Variants in XKR9 observed in about 807,000 individuals in gnomAD.
The protein encoded by XKR9 is XK related 9, also known as XK-related protein 9.
A neutral mutation model predicts 32.0 loss-of-function variants in XKR9; 32 were observed. That is an observed-to-expected ratio of 1.00 (90% CI 0.76 to 1.34). XKR9 has a LOEUF of 1.34. Ranked by LOEUF, XKR9 falls within the 40% of genes most tolerant of loss-of-function variation. The pLI is 0.00. For synonymous variants in XKR9, 168 were observed against 143.4 expected, an observed-to-expected ratio of 1.17 and a Z score of -1.22; for missense variants, 546 against 429.7, an observed-to-expected ratio of 1.27 and a Z score of -2.39.
chr8:70,776,704 C>T (rs1807525099), intron 2 of XKR9, among the ~76,000 whole-genome samples: 1 of 151,938 alleles, frequency 6.6e-6, no homozygotes, highest in African/African-American at 2.4e-5. Context: ...CACCTGTTCT[C>T]TCTCTTCATG....
At chr8:70,856,358 C>T in the XKR9 span, among the ~76,000 whole-genome samples, 9 of 152,052 alleles carry the variant, frequency 5.9e-5, no homozygotes, top group South Asian at 2.1e-4. Context: ...TTTAAACCAA[C>T]GAAGATCAAA....
the XKR9 span, among the ~76,000 whole-genome samples, chr8:70,939,601 T>C: frequency 9.2e-5 from 14 of 152,086 alleles, no homozygotes; most frequent in Non-Finnish European, 2.1e-4. Flanking sequence ...ACAATCTCTA[T>C]TTTATAGTTG....
At chr8:70,931,579 A>C in the XKR9 span, among the ~76,000 whole-genome samples, 3 of 152,194 alleles carry the variant, frequency 2.0e-5, no homozygotes. Context: ...CACTATAAAG[A>C]AATACTTGAG....
At chr8:70,721,243 A>G (rs1050027780) in intron 4 of XKR9, among the ~76,000 whole-genome samples, 2 of 152,086 alleles carry the variant, frequency 1.3e-5, no homozygotes, top group Non-Finnish European at 2.9e-5. Flanking sequence ...AATCTTTTCA[A>G]AAAACCACCT....
the XKR9 span, among the ~76,000 whole-genome samples, chr8:70,989,719 G>A: frequency 6.6e-6 from 1 of 152,130 alleles, no homozygotes; most frequent in African/African-American, 2.4e-5. Flanking sequence ...CTGTTTTTAA[G>A]TTGACAATTA....
chr8:70,888,570 A>AT, the XKR9 span, among the ~76,000 whole-genome samples: 1 of 151,868 alleles, frequency 6.6e-6, no homozygotes, highest in African/African-American at 2.4e-5. Context: ...TTCTTCTACT[A>AT]TTTTTATAGT....
chr8:70,924,523 GACTT>G, the XKR9 span, among the ~76,000 whole-genome samples: 2 of 152,082 alleles, frequency 1.3e-5, no homozygotes, highest in African/African-American at 4.8e-5. Context: ...ATACTACTGA[GACTT>G]ACTGAGTGAA....
Position 70,707,163 on chromosome 8 carries a change from TCTTAACTC to T in XKR9, c.493+14_493+21del, listed in dbSNP as rs763070394. ...GCGAATTTCAGTCAGTGTAAGTTTT[TCTTAACTC>T]CTTGTGTTAAATGGATGCCACTGAG... On this transcript the variant is annotated intron_variant, in intron 4 of 4. Transcript: ENST00000408926. 2.1e-5 allele frequency: 34 copies of T among 1,607,840 alleles called. No individual in the cohort carries two copies. Among genetic ancestry groups the T allele is most frequent in the Non-Finnish European group, 2.6e-5 (31 of 1,175,384 alleles).
At chr8:70,716,830 C>T (rs1586850363) in intron 4 of XKR9, among the ~76,000 whole-genome samples, 2 of 152,296 alleles carry the variant, frequency 1.3e-5, no homozygotes, top group East Asian at 3.9e-4. Context: ...TCTGAAGTCT[C>T]ATCTGAGACG....
At chr8:70,991,462 T>G in the XKR9 span, among the ~76,000 whole-genome samples, 1 of 152,240 alleles carries the variant, frequency 6.6e-6, no homozygotes, top group Admixed American at 6.5e-5. Flanking sequence ...AGGCAATATA[T>G]AGCAATGTAT....
the XKR9 span, among the ~76,000 whole-genome samples, chr8:70,903,210 G>T: frequency 1.3e-5 from 2 of 152,126 alleles, no homozygotes; most frequent in Non-Finnish European, 2.9e-5. Flanking sequence ...GTTTCAGAAG[G>T]AATGGTACCA....
At chr8:70,761,412 G>T (rs1173729514) in intron 2 of XKR9, among the ~76,000 whole-genome samples, 1 of 152,124 alleles carries the variant, frequency 6.6e-6, no homozygotes, top group Non-Finnish European at 1.5e-5. Context: ...TGACTGGTGT[G>T]AGATGGTGTA....
chr8:70,832,226 A>G, the XKR9 span, among the ~76,000 whole-genome samples: 5 of 152,214 alleles, frequency 3.3e-5, no homozygotes, highest in Admixed American at 6.5e-5. Context: ...AGATGAGGGC[A>G]TACTGACCTA....
At chr8:70,713,023 A>AG (rs1805971232) in intron 4 of XKR9, among the ~76,000 whole-genome samples, 1 of 152,186 alleles carries the variant, frequency 6.6e-6, no homozygotes, top group South Asian at 2.1e-4. Context: ...AAAGTATAAA[A>AG]CAAGTATCCT....
the XKR9 span, among the ~76,000 whole-genome samples, chr8:70,878,699 A>G: frequency 3.9e-5 from 6 of 152,280 alleles, no homozygotes; most frequent in South Asian, 1.2e-3. Context: ...CCCACACAAT[A>G]ATAATGGGAG....
At chr8:70,807,728 A>T in the XKR9 span, among the ~76,000 whole-genome samples, 1 of 152,224 alleles carries the variant, frequency 6.6e-6, no homozygotes, top group Non-Finnish European at 1.5e-5. Context: ...CTAAATATAT[A>T]TGCACCAAAT....
chr8:70,774,617 C>G (rs1411139376), intron 2 of XKR9, among the ~76,000 whole-genome samples: 2 of 152,000 alleles, frequency 1.3e-5, no homozygotes, highest in African/African-American at 2.4e-5. Flanking sequence ...TTCACTTTTT[C>G]CCATATGGAT....
the XKR9 span, among the ~76,000 whole-genome samples, chr8:70,951,485 C>G: frequency 6.6e-6 from 1 of 152,238 alleles, no homozygotes; most frequent in Non-Finnish European, 1.5e-5. Context: ...TTTGTTAGCA[C>G]TTTACACAAG....
At chr8:70,831,939 C>T in the XKR9 span, among the ~76,000 whole-genome samples, 2 of 152,164 alleles carry the variant, frequency 1.3e-5, no homozygotes, top group Non-Finnish European at 2.9e-5. Flanking sequence ...TGTTATGATC[C>T]TGGAAGCAGT....
Sources: allele counts gnomAD v4.1 joint callset (sites outside exome capture counted in the v4.1 genomes callset), GRCh38; gene constraint gnomAD v4.1.1; transcripts MANE v1.5; gene names NCBI Gene and HGNC (gene_info 2026-07-23, HGNC 2026-07-21).